The following PRKG1 variants were observed in gnomAD, a reference collection of about 807,000 sequenced individuals.
The protein encoded by PRKG1 is protein kinase cGMP-dependent 1.
PRKG1 carries 35 observed loss-of-function variants against 88.1 expected under a neutral mutation model. The ratio of observed to expected loss-of-function variants is 0.40; its 90% CI spans 0.30 to 0.53. The LOEUF is 0.53. Ranked by LOEUF, PRKG1 falls within the 20% of genes least tolerant of loss-of-function variation. PRKG1 has a pLI of 0.59. For missense variants in PRKG1, 540 were observed against 839.8 expected, an observed-to-expected ratio of 0.64 and a Z score of 4.41; for synonymous variants, 303 against 292.5, an observed-to-expected ratio of 1.04 and a Z score of -0.37.
At chr10:51,749,501 T>C (rs4279960) in intron 3 of PRKG1, among the ~76,000 whole-genome samples, 60,207 of 151,770 alleles carry the variant, frequency 0.4, 12,587 homozygotes, top group Middle Eastern at 0.56. Flanking sequence ...ATGAAACCTA[T>C]CAGATTATGA....
At chr10:51,784,325 T>C (rs1285400498) in intron 3 of PRKG1, among the ~76,000 whole-genome samples, 2 of 152,032 alleles carry the variant, frequency 1.3e-5, no homozygotes, top group African/African-American at 4.8e-5. Context: ...TGGAATGCCT[T>C]TTTCCTCATG....
chr10:51,836,640 G>GGT (rs978192182), intron 4 of PRKG1, among the ~76,000 whole-genome samples: 19 of 151,422 alleles, frequency 1.3e-4, no homozygotes, highest in African/African-American at 4.6e-4. Flanking sequence ...GTGGATAAGG[G>GGT]GTATACACTA....
chr10:51,943,629 T>A (rs1165291592), intron 5 of PRKG1, among the ~76,000 whole-genome samples: 2 of 152,100 alleles, frequency 1.3e-5, no homozygotes, highest in African/African-American at 2.4e-5. Context: ...ATATGTCCCA[T>A]CAATACCTAA....
At chr10:51,805,092 A>G (rs1476071227) in intron 4 of PRKG1, among the ~76,000 whole-genome samples, 1 of 152,140 alleles carries the variant, frequency 6.6e-6, no homozygotes, top group Non-Finnish European at 1.5e-5. Flanking sequence ...TCTTCTAAAC[A>G]GACTCACACT....
At chr10:52,222,006 T>A (rs1201025833) in intron 9 of PRKG1, among the ~76,000 whole-genome samples, 2 of 152,180 alleles carry the variant, frequency 1.3e-5, no homozygotes, top group Non-Finnish European at 2.9e-5. Flanking sequence ...TATGTTGGGC[T>A]TTGGAGTCGG....
At chr10:51,754,550 T>C (rs1337727943) in intron 3 of PRKG1, among the ~76,000 whole-genome samples, 1 of 152,166 alleles carries the variant, frequency 6.6e-6, no homozygotes, top group East Asian at 1.9e-4. Context: ...ACCTAGGTGT[T>C]TCTGCTTTCA....
intron 4 of PRKG1, among the ~76,000 whole-genome samples, chr10:51,844,619 T>C (rs562275829): frequency 1.1e-3 from 163 of 152,290 alleles, no homozygotes; most frequent in African/African-American, 3.7e-3. Flanking sequence ...CTGAAATCAA[T>C]CTACTTTTAT....
At chr10:50,995,525 T>C (rs1264745894) in intron 1 of PRKG1, among the ~76,000 whole-genome samples, 2 of 152,248 alleles carry the variant, frequency 1.3e-5, no homozygotes, top group Non-Finnish European at 2.9e-5. Context: ...ATGGTGATGA[T>C]ATTTTACATT....
chr10:52,136,518 A>G (rs776697272), intron 8 of PRKG1, among the ~76,000 whole-genome samples: 1 of 152,024 alleles, frequency 6.6e-6, no homozygotes, highest in Non-Finnish European at 1.5e-5. Context: ...AAACCTAGGC[A>G]TATACAGTGT....
intron 6 of PRKG1, among the ~76,000 whole-genome samples, chr10:52,060,373 T>TA (rs1846208994): frequency 1.3e-5 from 2 of 151,812 alleles, no homozygotes; most frequent in Admixed American, 1.3e-4. Context: ...ATGCAAACAA[T>TA]AAAATATTAC....
chr10:52,226,560 G>A (rs963974067), intron 9 of PRKG1, among the ~76,000 whole-genome samples: 21 of 152,082 alleles, frequency 1.4e-4, no homozygotes, highest in Admixed American at 3.9e-4. Context: ...TTTCCATGCT[G>A]AAAAATAATG....
At chr10:52,208,029 GA>G (rs1839866900) in intron 9 of PRKG1, among the ~76,000 whole-genome samples, 3 of 152,140 alleles carry the variant, frequency 2.0e-5, no homozygotes, top group Non-Finnish European at 4.4e-5. Flanking sequence ...GAGGCTCAGA[GA>G]GATTAGATGA....
intron 3 of PRKG1, among the ~76,000 whole-genome samples, chr10:51,742,425 A>T (rs1324533829): frequency 6.6e-6 from 1 of 152,240 alleles, no homozygotes; most frequent in Admixed American, 6.5e-5. Context: ...GTGAGATAAG[A>T]ACATGAGTTA....
chr10:52,048,364 G>A (rs1422816519), intron 5 of PRKG1, among the ~76,000 whole-genome samples: 2 of 152,084 alleles, frequency 1.3e-5, no homozygotes, highest in African/African-American at 2.4e-5. Context: ...GATATGTTGT[G>A]TTTTAGTTTA....
chr10:52,201,355 A>G (rs1054100352), intron 9 of PRKG1, among the ~76,000 whole-genome samples: 4 of 152,010 alleles, frequency 2.6e-5, no homozygotes, highest in African/African-American at 9.7e-5. Context: ...TCGAAGATCA[A>G]ATGTTTATAG....
At chr10:51,041,348 C>T (rs1372939405) in intron 1 of PRKG1, among the ~76,000 whole-genome samples, 2 of 152,134 alleles carry the variant, frequency 1.3e-5, no homozygotes, top group Non-Finnish European at 2.9e-5. Flanking sequence ...AGCTGCAAGA[C>T]AAATTCCCCT....
chr10:51,744,737 A>G (rs1030521536), intron 3 of PRKG1, among the ~76,000 whole-genome samples: 11 of 152,212 alleles, frequency 7.2e-5, no homozygotes, highest in African/African-American at 2.7e-4. Context: ...TGATGTGTAC[A>G]GTAAATGTTA....
At chr10:51,511,578 A>G (rs1220958464) in intron 3 of PRKG1, among the ~76,000 whole-genome samples, 1 of 152,224 alleles carries the variant, frequency 6.6e-6, no homozygotes, top group Non-Finnish European at 1.5e-5. Flanking sequence ...CAGTTAACAT[A>G]TGAAATGTGG....
At chr10:51,242,160 C>T (rs1839172274) in intron 2 of PRKG1, among the ~76,000 whole-genome samples, 1 of 151,910 alleles carries the variant, frequency 6.6e-6, no homozygotes, top group African/African-American at 2.4e-5. Context: ...TGAGCACATA[C>T]AGGATAAAAG....
Sources: allele counts gnomAD v4.1 joint callset (sites outside exome capture counted in the v4.1 genomes callset), GRCh38; gene constraint gnomAD v4.1.1; transcripts MANE v1.5; gene names NCBI Gene and HGNC (gene_info 2026-07-23, HGNC 2026-07-21).